SLC14A2: variants seen among roughly 807,000 people sequenced by gnomAD.
The protein encoded by SLC14A2 is solute carrier family 14 member 2, also known as urea transporter 2.
SLC14A2 carries 91 observed loss-of-function variants against 104.6 expected under a neutral mutation model. The observed-to-expected ratio is 0.87, with a 90% CI of 0.73 to 1.04. The LOEUF is 1.04. Among genes scored for constraint, SLC14A2 ranks in the 50% least tolerant of loss-of-function variants. The pLI, the probability that SLC14A2 is intolerant of heterozygous loss-of-function variation, is 0.00. For synonymous variants in SLC14A2, 476 were observed against 466.4 expected (o/e 1.02, Z -0.27); for missense variants, 1,189 against 1,156.0 (o/e 1.03, Z -0.41).
intron 2 of SLC14A2, among the ~76,000 whole-genome samples, chr18:45,581,886 C>T (rs1366541149): frequency 6.6e-6 from 1 of 151,904 alleles, no homozygotes; most frequent in Non-Finnish European, 1.5e-5. Context: ...CCCTCATTTC[C>T]CCATTGTGTG....
At chr18:45,230,640 T>C (rs1453497689) in intron 1 of SLC14A2, among the ~76,000 whole-genome samples, 1 of 152,224 alleles carries the variant, frequency 6.6e-6, no homozygotes, top group Non-Finnish European at 1.5e-5. Context: ...TATTAATAGG[T>C]TCTGGAGATT....
At chr18:45,643,360 G>A (rs981874019) in intron 9 of SLC14A2, among the ~76,000 whole-genome samples, 179 bp downstream of exon 9, 4 of 152,162 alleles carry the variant, frequency 2.6e-5, no homozygotes, top group Non-Finnish European at 5.9e-5. Flanking sequence ...TTGCATACAT[G>A]TACCTCTAGG....
chr18:45,177,807 A>G, the SLC14A2 span, among the ~76,000 whole-genome samples: 1 of 152,230 alleles, frequency 6.6e-6, no homozygotes, highest in Non-Finnish European at 1.5e-5. Flanking sequence ...CATGCAATTC[A>G]TAGTTACTAA....
intron 1 of SLC14A2, among the ~76,000 whole-genome samples, chr18:45,449,911 G>A (rs884545): frequency 0.16 from 24,499 of 152,102 alleles, 2,369 homozygotes; most frequent in Middle Eastern, 0.22. Context: ...TGCTGCAGAA[G>A]CCTCCTTCTG....
chr18:45,470,514 A>C lies in SLC14A2; in HGVS notation c.-124-12719A>C, dbSNP rs139102518. Among the ~76,000 whole-genome samples, 262 of 152,210 alleles carry C rather than the reference A, an allele frequency of 1.7e-3. 2 individuals are homozygous for C. Among genetic ancestry groups the C allele is most frequent in the African/African-American group, 6.1e-3 (252 of 41,544 alleles). On this transcript the variant is annotated intron_variant, in intron 1 of 20. Transcript: ENST00000586448. ...CTTTCTGCCTCTATTGCCTCTTTTT[A>C]TCTTTCACTAACAGTTATGGTTTGT...
chr18:45,665,261 TCA>T (rs2045998397), intron 11 of SLC14A2, among the ~76,000 whole-genome samples: 1 of 152,020 alleles, frequency 6.6e-6, no homozygotes, highest in Admixed American at 6.5e-5. Context: ...CACAGGGTAG[TCA>T]GAGCCCAGCC....
At chr18:45,379,959 C>T (rs1304943215) in intron 1 of SLC14A2, among the ~76,000 whole-genome samples, 1 of 152,154 alleles carries the variant, frequency 6.6e-6, no homozygotes, top group African/African-American at 2.4e-5. Flanking sequence ...TAATGCCCAC[C>T]CCACCTTCCT....
rs112194397 is a variant in SLC14A2 at position 45,321,869 on chromosome 18, T to A, written c.-125+108678T>A. ...GTAGGAAGGTGGAGAGGTTTTGGCA[T>A]GTTCTGTCTGGCTGATTCTGCAGTG... On this transcript the variant is annotated intron_variant, in intron 1 of 20. Transcript: ENST00000586448. Among the ~76,000 whole-genome samples the A allele has an allele frequency of 3.2e-3, 482 of 152,308 alleles. 2 individuals carry two copies. The highest frequency in any genetic ancestry group is 0.011 in the African/African-American group (454 of 41,576).
intron 1 of SLC14A2, among the ~76,000 whole-genome samples, chr18:45,462,467 G>T (rs2087063152): frequency 6.6e-6 from 1 of 152,144 alleles, no homozygotes; most frequent in African/African-American, 2.4e-5. Context: ...CAGGCAGGAG[G>T]CATATATTGT....
the SLC14A2 span, among the ~76,000 whole-genome samples, chr18:45,204,515 T>C: frequency 6.6e-6 from 1 of 152,158 alleles, no homozygotes; most frequent in Non-Finnish European, 1.5e-5. Context: ...AGTATAAGTG[T>C]GGGTTTAAAG....
At chr18:45,459,379 G>GT (rs1160994244) in intron 1 of SLC14A2, among the ~76,000 whole-genome samples, 1 of 152,188 alleles carries the variant, frequency 6.6e-6, no homozygotes, top group Non-Finnish European at 1.5e-5. Context: ...ACTCTGTGCT[G>GT]TTGTGCCCTC....
chr18:45,206,833 T>A, the SLC14A2 span, among the ~76,000 whole-genome samples: 1 of 152,110 alleles, frequency 6.6e-6, no homozygotes, highest in African/African-American at 2.4e-5. Flanking sequence ...AGATCAGCAG[T>A]CTACAAACTA....
At chr18:45,323,909 C>T (rs752171948) in intron 1 of SLC14A2, among the ~76,000 whole-genome samples, 16 of 152,296 alleles carry the variant, frequency 1.1e-4, no homozygotes, top group Non-Finnish European at 2.1e-4. Context: ...CATCACCCTT[C>T]TCAGAGATGA....
At chr18:45,382,159 C>A (rs1204976617) in intron 1 of SLC14A2, among the ~76,000 whole-genome samples, 1 of 152,168 alleles carries the variant, frequency 6.6e-6, no homozygotes, top group African/African-American at 2.4e-5. Flanking sequence ...CTCCCAGATT[C>A]TCTAGCTCTG....
intron 1 of SLC14A2, among the ~76,000 whole-genome samples, chr18:45,363,429 C>T (rs2085635038): frequency 6.6e-6 from 1 of 152,146 alleles, no homozygotes; most frequent in Non-Finnish European, 1.5e-5. Context: ...CAGCACCTCG[C>T]ATGAACTTGG....
At chr18:45,470,341 T>C (rs1331823496) in intron 1 of SLC14A2, among the ~76,000 whole-genome samples, 2 of 152,230 alleles carry the variant, frequency 1.3e-5, no homozygotes, top group African/African-American at 4.8e-5. Context: ...CCAGTCACTT[T>C]ATTTTAATTG....
At chr18:45,503,974 G>A (rs1334546030) in intron 2 of SLC14A2, among the ~76,000 whole-genome samples, 2 of 152,150 alleles carry the variant, frequency 1.3e-5, no homozygotes, top group Non-Finnish European at 2.9e-5. Context: ...CTGTCTCCTG[G>A]TCTAATGGTC....
chr18:45,670,943 G>A (rs954505221), intron 16 of SLC14A2, among the ~76,000 whole-genome samples: 6 of 152,186 alleles, frequency 3.9e-5, no homozygotes, highest in Admixed American at 1.3e-4. Context: ...GATTACAGGC[G>A]TGGACCATTA....
chr18:45,592,133 A>G (rs1198333297), intron 2 of SLC14A2, among the ~76,000 whole-genome samples: 2 of 152,212 alleles, frequency 1.3e-5, no homozygotes, highest in Non-Finnish European at 2.9e-5. Flanking sequence ...GTTGCTTACC[A>G]AGAGGAATTG....
Sources: gnomAD v4.1 joint callset for allele counts (sites outside exome capture counted in the v4.1 genomes callset) on GRCh38, gnomAD v4.1.1 for gene constraint, MANE v1.5 for transcripts, NCBI Gene and HGNC (gene_info 2026-07-23, HGNC 2026-07-21) for gene names.